The following THRB variants were observed in gnomAD, a reference collection of about 807,000 sequenced individuals.
The protein encoded by THRB is nuclear receptor subfamily 1 group A member 2.
A neutral mutation model predicts 47.8 loss-of-function variants in THRB; 12 were observed. The observed-to-expected ratio is 0.25, with a 90% CI of 0.16 to 0.41. THRB has a LOEUF of 0.41. THRB is among the 10% of genes least tolerant of loss of function. The pLI is 1.00. For synonymous variants in THRB, 218 were observed against 212.2 expected, an observed-to-expected ratio of 1.03 and a Z score of -0.24; for missense variants, 348 against 589.2, an observed-to-expected ratio of 0.59 and a Z score of 4.24.
At position 24,196,742 on chromosome 3, in the gene THRB, T is replaced by C. The variant is rs560851913; in HGVS notation, c.23-6408A>G. ...TGGCCCAAGGAATGTATCTCTAAAATTGGATTCCTAGATTCTGTGCAAGGC... is the reference window on the plus strand; with the variant it reads ...TGGCCCAAGGAATGTATCTCTAAAACTGGATTCCTAGATTCTGTGCAAGGC... On this transcript the variant is annotated intron_variant, in intron 4 of 10. Transcript: ENST00000646209. Among the ~76,000 whole-genome samples, 36 of 151,896 alleles carry C rather than the reference T, an allele frequency of 2.4e-4. No individual in the cohort carries two copies. In the East Asian group the frequency reaches 3.9e-3, roughly 16 times the overall value.
At chr3:24,299,340 T>C (rs939779400) in intron 2 of THRB, among the ~76,000 whole-genome samples, 2 of 151,246 alleles carry the variant, frequency 1.3e-5, no homozygotes, top group Non-Finnish European at 2.9e-5. Flanking sequence ...TCATGCATTA[T>C]AACTAAGAGT....
chr3:24,316,869 C>G (rs187997906), intron 2 of THRB, among the ~76,000 whole-genome samples: 6 of 152,328 alleles, frequency 3.9e-5, no homozygotes, highest in Admixed American at 2.6e-4. Flanking sequence ...TATCACAACT[C>G]AGAACTGCCC....
chr3:24,321,675 T>TC (rs2058494933), intron 2 of THRB, among the ~76,000 whole-genome samples: 1 of 152,100 alleles, frequency 6.6e-6, no homozygotes, highest in Non-Finnish European at 1.5e-5. Context: ...TTCATAAGGT[T>TC]CCCCTAAAGA....
intron 3 of THRB, among the ~76,000 whole-genome samples, chr3:24,246,462 T>C (rs1401640663): frequency 6.6e-6 from 1 of 152,194 alleles, no homozygotes; most frequent in East Asian, 1.9e-4. Context: ...CAGTGTGAAA[T>C]GATTTCTTAT....
rs963230798 is a variant in THRB, at chr3:24,343,725, C to T, written c.-260-6354G>A. Among the ~76,000 whole-genome samples, 14 of 151,988 alleles carry T rather than the reference C, an allele frequency of 9.2e-5. No individual in the cohort carries two copies. The East Asian group carries it at 1.9e-3, about 21-fold the overall frequency. ...ATCTCCAAATCCTTCTCAAATAGCA[C>T]CCAGACAGGCATTGCCAACCAGTTT... On this transcript the variant is annotated intron_variant, in intron 1 of 10. Transcript: ENST00000646209.
intron 2 of THRB, among the ~76,000 whole-genome samples, chr3:24,313,441 C>T (rs75198814): frequency 0.011 from 1,735 of 152,224 alleles, 36 homozygotes; most frequent in African/African-American, 0.04. Flanking sequence ...CTAAGAATAT[C>T]CTGCCACCCA....
chr3:24,280,688 A>C (rs543548579), intron 3 of THRB, among the ~76,000 whole-genome samples: 149 of 152,152 alleles, frequency 9.8e-4, no homozygotes, highest in Non-Finnish European at 1.2e-3. Context: ...GAAAACTTTG[A>C]AAAAAACTTA....
intron 5 of THRB, chr3:24,165,553 G>C: frequency 1.8e-6 from 1 of 544,204 alleles, no homozygotes; most frequent in Non-Finnish European, 3.2e-6. Context: ...CACCTGATGT[G>C]CTAAAATCCT....
At chr3:24,155,205 A>G (rs551371629) in intron 5 of THRB, among the ~76,000 whole-genome samples, 1 of 152,288 alleles carries the variant, frequency 6.6e-6, no homozygotes, top group Admixed American at 6.5e-5. Context: ...GACTCCTTTC[A>G]TTTACTGACT....
At chr3:24,441,670 C>T (rs922023323) in intron 1 of THRB, among the ~76,000 whole-genome samples, 3 of 151,714 alleles carry the variant, frequency 2.0e-5, no homozygotes, top group African/African-American at 4.8e-5. Flanking sequence ...TTACCCATCC[C>T]GCTTGCCTAC....
At chr3:24,166,365 T>C (rs2039644741) in intron 5 of THRB, among the ~76,000 whole-genome samples, 1 of 152,202 alleles carries the variant, frequency 6.6e-6, no homozygotes, top group Admixed American at 6.5e-5. Context: ...CGTGGAAAAC[T>C]GTAAACACTT....
chr3:24,251,233 C>T (rs1432734135), intron 3 of THRB, among the ~76,000 whole-genome samples: 2 of 151,994 alleles, frequency 1.3e-5, no homozygotes, highest in South Asian at 2.1e-4. Flanking sequence ...TCTTAAATGT[C>T]ATAGTTTTAT....
chr3:24,314,108 T>C (rs924168045), intron 2 of THRB, among the ~76,000 whole-genome samples: 1 of 152,228 alleles, frequency 6.6e-6, no homozygotes, highest in Non-Finnish European at 1.5e-5. Context: ...CCTGCTGTCA[T>C]TTAACTAGCC....
chr3:24,404,230 A>C (rs1011092671), intron 1 of THRB, among the ~76,000 whole-genome samples: 3 of 151,980 alleles, frequency 2.0e-5, no homozygotes, highest in Non-Finnish European at 4.4e-5. Context: ...AAAATCATGC[A>C]TGAGTAAAAG....
At chr3:24,270,964 C>A (rs6550855) in intron 3 of THRB, among the ~76,000 whole-genome samples, 6,479 of 152,236 alleles carry the variant, frequency 0.043, 427 homozygotes, top group African/African-American at 0.15. Flanking sequence ...AGGCTCCCCC[C>A]CTTTCCAAAA....
At chr3:24,127,260 TAG>T (rs2033022744) in intron 10 of THRB, among the ~76,000 whole-genome samples, 1 of 152,156 alleles carries the variant, frequency 6.6e-6, no homozygotes, top group African/African-American at 2.4e-5. Context: ...GATCACTTCG[TAG>T]AGTCTTTAAG....
intron 2 of THRB, among the ~76,000 whole-genome samples, chr3:24,317,243 A>G (rs143164134): frequency 3.4e-3 from 522 of 152,250 alleles, no homozygotes; most frequent in Middle Eastern, 6.8e-3. Flanking sequence ...CAGTTTCCCC[A>G]TATGTGGAAA....
chr3:24,259,326 G>A lies in THRB; in HGVS notation c.-42-30325C>T, dbSNP rs77273460. On this transcript the variant is annotated intron_variant, in intron 3 of 10. Transcript: ENST00000646209. Reference sequence around the variant, plus strand: ...GGACAAGTTACACATTTCAACTACGGCATGGAAAAGAGTGTCCTTCCCTAA... The same window carrying A: ...GGACAAGTTACACATTTCAACTACGACATGGAAAAGAGTGTCCTTCCCTAA... Among the ~76,000 whole-genome samples, 4 of 152,250 alleles carry A rather than the reference G, an allele frequency of 2.6e-5. No homozygotes were observed. In the East Asian group the frequency reaches 7.7e-4, roughly 29 times the overall value.
At chr3:24,449,198 A>G (rs995981541) in intron 1 of THRB, among the ~76,000 whole-genome samples, 3 of 152,252 alleles carry the variant, frequency 2.0e-5, no homozygotes, top group African/African-American at 7.2e-5. Flanking sequence ...GCCATATTTC[A>G]GTACAAGCAT....
Sources: gnomAD v4.1 joint callset for allele counts (sites outside exome capture counted in the v4.1 genomes callset) on GRCh38, gnomAD v4.1.1 for gene constraint, MANE v1.5 for transcripts, NCBI Gene and HGNC (gene_info 2026-07-23, HGNC 2026-07-21) for gene names.